The following METTL2A variants were observed in gnomAD, a reference collection of about 807,000 sequenced individuals.
The protein encoded by METTL2A is methyltransferase 2A, tRNA N3-cytidine.
In METTL2A, 45 loss-of-function variants were observed where a neutral mutation model predicts 49.4. That is an observed-to-expected ratio of 0.91 (90% CI 0.72 to 1.17). The LOEUF is 1.17. METTL2A is among the 50% of genes most tolerant of loss of function. The pLI, the probability that METTL2A is intolerant of heterozygous loss-of-function variation, is 0.00. For missense variants in METTL2A, 361 were observed against 462.2 expected (o/e 0.78, Z 2.01); for synonymous variants, 118 against 167.5 (o/e 0.70, Z 2.28).
At position 62,433,965 on chromosome 17, in the gene METTL2A, G is replaced by A. The variant is rs192366351; in HGVS notation, c.609-1267G>A. Among the ~76,000 whole-genome samples, 37 of 152,268 alleles carry A rather than the reference G, an allele frequency of 2.4e-4. 1 individual carries two copies. The highest frequency in any genetic ancestry group is 2.1e-3 in the East Asian group (11 of 5,168). ...TAATCCGAGCTACTTGGGGGGCTGAGGTGGGAGGATCACTTGAACCCAGGA... is the reference window on the plus strand; with the variant it reads ...TAATCCGAGCTACTTGGGGGGCTGAAGTGGGAGGATCACTTGAACCCAGGA... On this transcript the variant is annotated intron_variant, in intron 4 of 8. Transcript: ENST00000311506.
At chr17:62,448,277 A>G (rs994315951) in intron 8 of METTL2A, among the ~76,000 whole-genome samples, 7 of 152,166 alleles carry the variant, frequency 4.6e-5, no homozygotes, top group African/African-American at 1.7e-4. Context: ...CTTTCCTAAA[A>G]CAATTGCTTT....
At chr17:62,447,640 A>T in intron 7 of METTL2A, 61 bp from the exon 8 acceptor site, 2 of 1,589,490 alleles carry the variant, frequency 1.3e-6, no homozygotes, top group Admixed American at 3.3e-5. Flanking sequence ...AACATTCCTT[A>T]GCAATGCGAG....
intron 5 of METTL2A, among the ~76,000 whole-genome samples, chr17:62,440,388 T>C (rs1045946995): frequency 1.3e-5 from 2 of 152,162 alleles, no homozygotes; most frequent in Non-Finnish European, 2.9e-5. Context: ...ATTAGAAATA[T>C]ATCCCCTACT....
intron 6 of METTL2A, among the ~76,000 whole-genome samples, chr17:62,444,318 G>T (rs2070755060): frequency 6.6e-6 from 1 of 152,104 alleles, no homozygotes; most frequent in African/African-American, 2.4e-5. Flanking sequence ...GTTACTCTGC[G>T]GCCCAGGCCG....
intron 5 of METTL2A, among the ~76,000 whole-genome samples, chr17:62,437,886 C>T (rs9906907): frequency 0.033 from 5,071 of 151,834 alleles, 295 homozygotes; most frequent in African/African-American, 0.11. Flanking sequence ...GCAGAAGAAT[C>T]GCTTGAACCC....
At chr17:62,443,351 C>T (rs975116787) in intron 6 of METTL2A, among the ~76,000 whole-genome samples, 10 of 152,194 alleles carry the variant, frequency 6.6e-5, no homozygotes, top group African/African-American at 2.2e-4. Context: ...GCACTGCAGC[C>T]TGGGTGACAG....
chr17:62,424,063 G>C (rs2070605395), intron 1 of METTL2A, 51 bp downstream of exon 1: 2 of 1,596,862 alleles, frequency 1.3e-6, no homozygotes, highest in Middle Eastern at 1.7e-4. Flanking sequence ...CTGTCCCGCC[G>C]CCTCGGAGCA....
chr17:62,432,866 G>A (rs1425202781), intron 4 of METTL2A, among the ~76,000 whole-genome samples: 1 of 134,990 alleles, frequency 7.4e-6, no homozygotes, highest in Non-Finnish European at 1.6e-5. Context: ...TGGAGGCTGA[G>A]GCCAGAGGAT....
At chr17:62,424,398 C>G in intron 2 of METTL2A, 88 bp downstream of exon 2, 1 of 1,565,698 alleles carries the variant, frequency 6.4e-7, no homozygotes, top group Non-Finnish European at 8.7e-7. Context: ...CGCGGCCGCC[C>G]AGATCCTTTA....
At chr17:62,440,174 T>C (rs4113902) in intron 5 of METTL2A, among the ~76,000 whole-genome samples, 21,718 of 151,902 alleles carry the variant, frequency 0.14, 3,873 homozygotes, top group East Asian at 0.45. Flanking sequence ...TATAGGCATG[T>C]GCCACCACAC....
intron 6 of METTL2A, 147 bp downstream of exon 6, chr17:62,440,903 T>C (rs372037028): frequency 2.7e-6 from 3 of 1,130,436 alleles, no homozygotes; most frequent in Non-Finnish European, 1.3e-6. Context: ...CCTCTTGGGC[T>C]TAAATGATCC....
intron 5 of METTL2A, 69 bp downstream of exon 5, chr17:62,435,361 C>G (rs1187279233): frequency 1.2e-5 from 19 of 1,604,690 alleles, no homozygotes; most frequent in Non-Finnish European, 1.6e-5. Context: ...TCCTAAAAAT[C>G]AAGGTCTCTG....
chr17:62,443,234 A>C (rs2070748294), intron 6 of METTL2A, among the ~76,000 whole-genome samples: 2 of 152,172 alleles, frequency 1.3e-5, no homozygotes, highest in South Asian at 4.1e-4. Flanking sequence ...AAAAAAATTT[A>C]GCCAGGTGCA....
chr17:62,430,572 G>A (rs1401664822), intron 4 of METTL2A, among the ~76,000 whole-genome samples: 9 of 152,012 alleles, frequency 5.9e-5, no homozygotes, highest in African/African-American at 1.2e-4. Context: ...CCCTGACTCC[G>A]TACCTTTCCA....
rs1177860482 is a variant in METTL2A at position 62,452,971 on chromosome 17, C to A, written c.*4242C>A. Among the ~76,000 whole-genome samples, 3 of 152,180 alleles carry A rather than the reference C, an allele frequency of 2.0e-5. No homozygotes were observed. Among genetic ancestry groups the A allele is most frequent in the African/African-American group, 7.2e-5 (3 of 41,440 alleles). The stretch of plus-strand genomic sequence containing the variant: ...AAGAGAGCTCCCATCTTTTCCATTA[C>A]TGTATTTACTTAAAACTGGAAAAAA... On this transcript the variant is annotated 3_prime_UTR_variant, in exon 9 of 9. Transcript: ENST00000311506.
intron 8 of METTL2A, 145 bp from the exon 9 acceptor site, chr17:62,448,430 A>G (rs2070782922): frequency 1.4e-6 from 2 of 1,458,616 alleles, no homozygotes; most frequent in Non-Finnish European, 1.8e-6. Flanking sequence ...TACTGTTACC[A>G]AGCCACCACT....
rs144974742 is a variant in METTL2A, at chr17:62,443,111, G to A, written c.810-1726G>A. Among the ~76,000 whole-genome samples the A allele has an allele frequency of 3.9e-5, 6 of 152,278 alleles. No individual in the cohort carries two copies. The East Asian group carries it at 7.7e-4, about 20-fold the overall frequency. On this transcript the variant is annotated intron_variant, in intron 6 of 8. Transcript: ENST00000311506. Reference sequence around the variant, plus strand: ...AGGTTGACCAGGCACAGTGGCTCACGCCTATAATCCCACCACTTTGGGAGG... The same window carrying A: ...AGGTTGACCAGGCACAGTGGCTCACACCTATAATCCCACCACTTTGGGAGG...
chr17:62,439,591 G>A (rs146976013), intron 5 of METTL2A, among the ~76,000 whole-genome samples: 12,981 of 150,820 alleles, frequency 0.086, 695 homozygotes, highest in South Asian at 0.24. Flanking sequence ...CTGCCACCAC[G>A]CCCGGCTAAT....
Position 62,444,853 on chromosome 17 carries a change from A to G in METTL2A, c.826A>G (p.Asn276Asp), listed in dbSNP as rs1387666075. ...GCTCCACAGGATGCAGAAGGCTATCAACAGGCTGAGCAGGCTTCTGAAACC... is the reference window on the plus strand; with the variant it reads ...GCTCCACAGGATGCAGAAGGCTATCGACAGGCTGAGCAGGCTTCTGAAACC... The part of the protein sequence containing the change: ...IVPDKMQKAI[N>D]RLSRLLKPGG... Residue 276 changes from asparagine to aspartate, a missense_variant, in exon 7 of 9, where the codon AAC (asparagine) becomes GAC (aspartate). This residue lies in a region of METTL2A where 183 missense variants were observed against 216.5 expected (regional missense o/e 0.85). Transcript: ENST00000311506. 32 of 1,613,898 alleles carry G rather than the reference A, an allele frequency of 2.0e-5. No individual in the cohort carries two copies. The highest frequency in any genetic ancestry group is 2.7e-5 in the Non-Finnish European group (32 of 1,179,880).
Sources: allele counts gnomAD v4.1 joint callset (sites outside exome capture counted in the v4.1 genomes callset), GRCh38; gene constraint gnomAD v4.1.1; regional missense constraint gnomAD v4.1.1; transcripts MANE v1.5; gene names NCBI Gene and HGNC (gene_info 2026-07-23, HGNC 2026-07-21).